The following CATSPERT variants were observed in gnomAD, a reference collection of about 807,000 sequenced individuals.
CATSPERT encodes the protein catsper channel auxiliary subunit tau.
the CATSPERT span, among the ~76,000 whole-genome samples, chr2:201,552,581 G>A: frequency 6.6e-6 from 1 of 152,166 alleles, no homozygotes; most frequent in African/African-American, 2.4e-5. Flanking sequence ...AATATTTGCT[G>A]ACTGTTTATG....
At chr2:201,503,011 C>T in the CATSPERT span, among the ~76,000 whole-genome samples, 1 of 151,770 alleles carries the variant, frequency 6.6e-6, no homozygotes, top group Non-Finnish European at 1.5e-5. Context: ...TTAAAGGTTA[C>T]TATTTCAGAT....
At chr2:201,545,733 C>A in the CATSPERT span, 1 of 565,460 alleles carries the variant, frequency 1.8e-6, no homozygotes, top group South Asian at 5.3e-5. Flanking sequence ...TAATACAATA[C>A]ACCTTCCTCC....
chr2:201,606,853 C>T, the CATSPERT span, among the ~76,000 whole-genome samples: 8 of 149,610 alleles, frequency 5.3e-5, no homozygotes, highest in South Asian at 1.1e-3. Flanking sequence ...GAGCCAAGAT[C>T]GCGCCACCGC....
At chr2:201,613,122 G>C in the CATSPERT span, among the ~76,000 whole-genome samples, 2 of 152,218 alleles carry the variant, frequency 1.3e-5, no homozygotes, top group South Asian at 2.1e-4. Flanking sequence ...CCACCTCTGG[G>C]GGGCAGGGCA....
the CATSPERT span, among the ~76,000 whole-genome samples, chr2:201,497,224 C>T: frequency 6.6e-6 from 1 of 152,214 alleles, no homozygotes; most frequent in African/African-American, 2.4e-5. Context: ...CACTCATTGT[C>T]CTCACATACC....
At chr2:201,593,943 CTG>C in the CATSPERT span, among the ~76,000 whole-genome samples, 4 of 151,976 alleles carry the variant, frequency 2.6e-5, no homozygotes, top group East Asian at 7.7e-4. Context: ...ATTTGCCAGT[CTG>C]TGTCTTTTAA....
the CATSPERT span, chr2:201,495,786 G>C: frequency 1.9e-6 from 1 of 519,564 alleles, no homozygotes; most frequent in Non-Finnish European, 3.2e-6. Flanking sequence ...ATTTTTTACA[G>C]TAGCCAGGTG....
chr2:201,618,888 C>T, the CATSPERT span: 2 of 1,612,924 alleles, frequency 1.2e-6, no homozygotes, highest in East Asian at 4.5e-5. Flanking sequence ...GGCCAGGCCC[C>T]CGCTCACTCA....
chr2:201,563,150 C>T, the CATSPERT span, among the ~76,000 whole-genome samples: 2 of 57,792 alleles, frequency 3.5e-5, no homozygotes, highest in Non-Finnish European at 7.7e-5. Context: ...GGGGGCTGAC[C>T]CCCCACCTCC....
the CATSPERT span, among the ~76,000 whole-genome samples, chr2:201,598,138 G>A: frequency 6.6e-6 from 1 of 152,130 alleles, no homozygotes; most frequent in Non-Finnish European, 1.5e-5. Flanking sequence ...GTCTCACTCT[G>A]TCACTCAAGC....
the CATSPERT span, among the ~76,000 whole-genome samples, chr2:201,583,371 A>G: frequency 2.6e-5 from 4 of 152,214 alleles, no homozygotes; most frequent in Admixed American, 6.5e-5. Flanking sequence ...GGCTGCAAGG[A>G]AAGTTGTACT....
chr2:201,571,286 G>GAGCAC, the CATSPERT span, among the ~76,000 whole-genome samples: 1 of 152,154 alleles, frequency 6.6e-6, no homozygotes, highest in East Asian at 1.9e-4. Flanking sequence ...AAGCACTTCA[G>GAGCAC]AGCACAATTT....
chr2:201,581,154 C>T, the CATSPERT span, among the ~76,000 whole-genome samples: 1 of 151,744 alleles, frequency 6.6e-6, no homozygotes, highest in African/African-American at 2.4e-5. Flanking sequence ...GCCTGTAATC[C>T]CAACACTTTG....
the CATSPERT span, among the ~76,000 whole-genome samples, chr2:201,505,101 T>G: frequency 2.6e-5 from 4 of 152,038 alleles, no homozygotes; most frequent in African/African-American, 9.7e-5. Context: ...CACTTTTTTT[T>G]TTGTTTTGTT....
chr2:201,601,143 G>C, the CATSPERT span, among the ~76,000 whole-genome samples: 1 of 152,080 alleles, frequency 6.6e-6, no homozygotes, highest in Non-Finnish European at 1.5e-5. Context: ...GCAGTTTAAT[G>C]AAGTGTGGTC....
chr2:201,521,939 C>T, the CATSPERT span, among the ~76,000 whole-genome samples: 2 of 152,054 alleles, frequency 1.3e-5, no homozygotes, highest in African/African-American at 4.8e-5. Flanking sequence ...ATTCAACATC[C>T]CTTTATGATA....
the CATSPERT span, among the ~76,000 whole-genome samples, chr2:201,499,840 T>TTATA: frequency 1.4e-5 from 2 of 146,596 alleles, no homozygotes; most frequent in Middle Eastern, 3.6e-3. Context: ...CTAAAAAAAA[T>TTATA]TATATATATA....
chr2:201,510,989 C>T, the CATSPERT span, among the ~76,000 whole-genome samples: 1 of 152,054 alleles, frequency 6.6e-6, no homozygotes, highest in Admixed American at 6.6e-5. Flanking sequence ...AAACACAACC[C>T]GACTTGTAAA....
the CATSPERT span, among the ~76,000 whole-genome samples, chr2:201,526,878 A>G: frequency 6.6e-6 from 1 of 152,094 alleles, no homozygotes; most frequent in African/African-American, 2.4e-5. Flanking sequence ...AACTCTCACT[A>G]CTCCTATTCA....
Sources: allele counts gnomAD v4.1 joint callset (sites outside exome capture counted in the v4.1 genomes callset), GRCh38; gene constraint gnomAD v4.1.1; transcripts MANE v1.5; gene names NCBI Gene and HGNC (gene_info 2026-07-23, HGNC 2026-07-21).